Variants in CAPN11 observed in about 807,000 individuals in gnomAD.
CAPN11 encodes calpain 11.
A neutral mutation model predicts 105.3 loss-of-function variants in CAPN11; 108 were observed. That is an observed-to-expected ratio of 1.03 (90% confidence interval 0.88 to 1.20). CAPN11 has a LOEUF of 1.20. CAPN11 is among the 50% of genes most tolerant of loss of function. CAPN11 has a pLI of 0.00. For missense variants in CAPN11, 883 were observed against 924.8 expected (o/e 0.95, Z 0.59); for synonymous variants, 329 against 344.5 (o/e 0.96, Z 0.50).
intron 1 of CAPN11, among the ~76,000 whole-genome samples, chr6:44,163,338 A>G (rs182195816): frequency 6.6e-6 from 1 of 152,262 alleles, no homozygotes; most frequent in Admixed American, 6.5e-5. Context: ...GCTGCTCCAC[A>G]CAGGGGAAGT....
At chr6:44,182,209 ACT>A (rs1455240280) in intron 19 of CAPN11, among the ~76,000 whole-genome samples, 27 of 102,726 alleles carry the variant, frequency 2.6e-4, no homozygotes, top group East Asian at 4.9e-4. Flanking sequence ...ACCACACCAC[ACT>A]CACACACACA....
At position 44,166,679 on chromosome 6, in the gene CAPN11, T is replaced by C. The variant is rs1769917377; in HGVS notation, c.17-79T>C. 4.7e-6 allele frequency: 5 copies of C among 1,073,718 alleles called. 1 individual carries two copies. In the South Asian group the frequency reaches 5.4e-5, roughly 12 times the overall value. The allele number at this position is 1,073,718 out of a possible 1,614,324, so 66.5% of individuals were successfully genotyped here. ...TCTTTTCCTCATTCTAAAATCTTCCTACACCCCAGCCCCAGCTGGGCTCTG... is the reference window on the plus strand; with the variant it reads ...TCTTTTCCTCATTCTAAAATCTTCCCACACCCCAGCCCCAGCTGGGCTCTG... On this transcript the variant is annotated intron_variant, in intron 1 of 22. Coordinates refer to ENST00000398776, the MANE Select transcript of CAPN11 (RefSeq NM_007058.4).
In CAPN11 at chr6:44,169,274, T is replaced by G. The variant is rs1770568179; in HGVS notation, c.89-7T>G. The G allele has an allele frequency of 3.1e-6, 5 of 1,594,872 alleles. No homozygotes were observed. Among genetic ancestry groups the G allele is most frequent in the Non-Finnish European group, 4.3e-6 (5 of 1,171,720 alleles). On this transcript the variant is annotated splice_region_variant and splice_polypyrimidine_tract_variant and intron_variant, in intron 2 of 22. Transcript: ENST00000398776. Reference sequence around the variant, plus strand: ...TTGCGTTATTTCTCTTTTTTTTTCTTAAGCAGAGCCCACTTTTACTGATAC... The same window carrying G: ...TTGCGTTATTTCTCTTTTTTTTTCTGAAGCAGAGCCCACTTTTACTGATAC...
intron 1 of CAPN11, 77 bp downstream of exon 1, chr6:44,158,941 C>G (rs1768191299): frequency 4.7e-6 from 6 of 1,284,624 alleles, no homozygotes; most frequent in Non-Finnish European, 5.4e-6. Context: ...GGAGCTGTGT[C>G]CCGCATCAGA....
rs148221052 is a variant in CAPN11, at chr6:44,184,270, T to C, written c.*338T>C. The C allele has an allele frequency of 1.8e-5, 7 of 397,300 alleles. No homozygotes were observed. The highest frequency in any genetic ancestry group is 3.9e-5 in the Admixed American group (1 of 25,672). 24.6% of individuals were successfully genotyped at this position (397,300 alleles called of 1,614,324 possible). ...GGGAGGCCAAGAATAGGGAAGGGAC[T>C]TGTAGCCCGTTTCTTACCCTCCATG... On this transcript the variant is annotated 3_prime_UTR_variant, in exon 23 of 23. Coordinates refer to ENST00000398776, the MANE Select transcript of CAPN11 (RefSeq NM_007058.4).
In CAPN11 at chr6:44,182,994, G is replaced by C. The variant is rs776489978; in HGVS notation, c.1992G>C (p.Glu664Asp). 1.2e-6 allele frequency: 2 copies of C among 1,612,480 alleles called. No individual in the cohort carries two copies. Among genetic ancestry groups the C allele is most frequent in the Non-Finnish European group, 1.7e-6 (2 of 1,179,180 alleles). The change falls in exon 20 of 23, where the codon GAG becomes GAC. Residue 664 changes from glutamate to aspartate, a missense_variant. By Grantham distance (45) the Glu-to-Asp change is conservative. Transcript: ENST00000398776. ...ATTCAGGCACCTTGAACTCCTATGA[G>C]ATGCGCCTGGTTATTGAGAAAGCAG... ...QDHSGTLNSY[E>D]MRLVIEKAGI...
chr6:44,173,051 C>G lies in CAPN11; in HGVS notation c.640C>G (p.Leu214Val). Reference sequence around the variant, plus strand: ...CGAACGCAGTGAGTTCTGGAGTGCCCTGCTGGAGAAGGCGTATGCCAAGTG... The same window carrying G: ...CGAACGCAGTGAGTTCTGGAGTGCCGTGCTGGAGAAGGCGTATGCCAAGTG... ...STERSEFWSALLEKAYAKLSG... is the reference protein window; with the variant it reads ...STERSEFWSAVLEKAYAKLSG... The change falls in exon 6 of 23, where the codon CTG becomes GTG. Residue 214 changes from leucine to valine, a missense_variant. Leu to Val is a conservative substitution (Grantham distance 32). Transcript: ENST00000398776. 6.2e-7 allele frequency: 1 copy of G among 1,613,536 alleles called. No individual in the cohort carries two copies.
intron 19 of CAPN11, 113 bp from the exon 20 acceptor site, chr6:44,182,828 C>A: frequency 1.4e-6 from 1 of 733,798 alleles, no homozygotes; most frequent in Non-Finnish European, 2.4e-6. Context: ...CCTGCCTCGG[C>A]CTTTCAAAGT....
intron 18 of CAPN11, 35 bp downstream of exon 18, chr6:44,181,032 C>T: frequency 1.3e-6 from 2 of 1,588,796 alleles, no homozygotes; most frequent in Admixed American, 1.7e-5. Flanking sequence ...TGGCCCTGTC[C>T]CCTGCCCACA....
intron 3 of CAPN11, 83 bp from the exon 4 acceptor site, chr6:44,169,823 G>C: frequency 9.1e-7 from 1 of 1,092,918 alleles, no homozygotes; most frequent in Non-Finnish European, 1.4e-6. Context: ...ACTTCAAGGT[G>C]GGCATCATTC....
At chr6:44,165,435 G>A (rs1769635273) in intron 1 of CAPN11, among the ~76,000 whole-genome samples, 1 of 152,242 alleles carries the variant, frequency 6.6e-6, no homozygotes, top group African/African-American at 2.4e-5. Context: ...CCTGTGAGGG[G>A]ATGCTTGGCT....
At position 44,180,888 on chromosome 6, in the gene CAPN11, C is replaced by G. The variant is rs956631119; in HGVS notation, c.1805-45C>G. The G allele has an allele frequency of 3.1e-6, 5 of 1,606,062 alleles. No individual in the cohort carries two copies. In the African/African-American group the frequency reaches 4.0e-5, roughly 13 times the overall value. ...ATCACTCCCAGTGCCCCCACGATAC[C>G]TCATTTACCCTGTCTCTCCTTTCTA... On this transcript the variant is annotated intron_variant, in intron 17 of 22. Coordinates refer to ENST00000398776, the MANE Select transcript of CAPN11 (RefSeq NM_007058.4).
intron 12 of CAPN11, among the ~76,000 whole-genome samples, chr6:44,179,170 C>T (rs554055337): frequency 6.6e-6 from 1 of 152,122 alleles, no homozygotes; most frequent in African/African-American, 2.4e-5. Context: ...TTTATCCTAA[C>T]TCTTTCACTT....
rs1774073984 is a variant in CAPN11, at chr6:44,183,125, A to G, written c.2024A>G (p.Lys675Arg). ...MRLVIEKAGIKLNNKVMQVLV... is the reference protein window; with the variant it reads ...MRLVIEKAGIRLNNKVMQVLV... The stretch of plus-strand genomic sequence containing the variant: ...TTCTCTCTCCCTCTCTCAGGCATCA[A>G]GCTGAACAACAAGGTAATGCAGGTC... Residue 675 changes from lysine (K) to arginine (R), a missense_variant, in exon 21 of 23, where the codon AAG (lysine) becomes AGG (arginine). Transcript: ENST00000398776. 1 of 1,612,420 alleles carries G rather than the reference A, an allele frequency of 6.2e-7. No homozygotes were observed. Among genetic ancestry groups the G allele is most frequent in the Non-Finnish European group, 8.5e-7 (1 of 1,178,670 alleles).
intron 1 of CAPN11, chr6:44,161,850 G>A (rs1437138031): frequency 6.6e-6 from 3 of 456,172 alleles, no homozygotes; most frequent in African/African-American, 4.0e-5. Flanking sequence ...GCTGCCTGGA[G>A]TGACTGCACG....
rs1674075465 is a variant in CAPN11, at chr6:44,166,964, G to T, written c.88+135G>T. On this transcript the variant is annotated intron_variant, in intron 2 of 22. Coordinates refer to ENST00000398776, the MANE Select transcript of CAPN11 (RefSeq NM_007058.4). ...GGGGAGGGCGGCGGGGGGAGGGGAG[G>T]CTACCCTCAGGAAGGGATGTTGGCA... The T allele has an allele frequency of 9.3e-6, 6 of 644,384 alleles. No homozygotes were observed. The Admixed American group carries it at 1.2e-4, about 12-fold the overall frequency. 39.9% of individuals were successfully genotyped at this position (644,384 alleles called of 1,614,324 possible). A position where few individuals can be genotyped will look rare whatever the true frequency, so the allele number is the denominator to read the frequency against.
chr6:44,173,421 C>T (rs779026378), intron 7 of CAPN11, 35 bp downstream of exon 7: 32 of 1,412,620 alleles, frequency 2.3e-5, no homozygotes, highest in South Asian at 7.2e-5. Flanking sequence ...AGGGCCTTTG[C>T]ACCTGCTGTT....
intron 1 of CAPN11, among the ~76,000 whole-genome samples, chr6:44,161,292 C>A (rs1159227173): frequency 6.6e-6 from 1 of 152,012 alleles, no homozygotes; most frequent in East Asian, 1.9e-4. Context: ...CTCCACCTCC[C>A]GGGTTCAAGC....
intron 1 of CAPN11, among the ~76,000 whole-genome samples, chr6:44,159,450 C>T (rs1261988835): frequency 6.6e-6 from 1 of 152,042 alleles, no homozygotes; most frequent in African/African-American, 2.4e-5. Flanking sequence ...CTAGGGTGCA[C>T]AGAGGGCAGC....
Sources: gnomAD v4.1 joint callset for allele counts (sites outside exome capture counted in the v4.1 genomes callset) on GRCh38, gnomAD v4.1.1 for gene constraint, MANE v1.5 for transcripts, NCBI Gene and HGNC (gene_info 2026-07-23, HGNC 2026-07-21) for gene names.